The following CEP85L variants were observed in gnomAD, a reference collection of about 807,000 sequenced individuals.
The protein encoded by CEP85L is centrosomal protein of 85 kDa-like.
Under a neutral mutation model 100.3 loss-of-function variants are expected in CEP85L, and 60 were observed. The ratio of observed to expected loss-of-function variants is 0.60; its 90% CI spans 0.49 to 0.74. CEP85L has a LOEUF of 0.74. Ranked by LOEUF, CEP85L falls within the 30% of genes least tolerant of loss-of-function variation. The probability of loss-of-function intolerance (pLI) is 0.00; values close to 1 mark genes in which losing one functional copy is unlikely to be tolerated. For missense variants in CEP85L, 973 were observed against 936.2 expected, an observed-to-expected ratio of 1.04 and a Z score of -0.51; for synonymous variants, 319 against 322.7, an observed-to-expected ratio of 0.99 and a Z score of 0.12.
intron 5 of CEP85L, among the ~76,000 whole-genome samples, chr6:118,505,806 G>A (rs1775620272): frequency 6.6e-6 from 1 of 152,162 alleles, no homozygotes. Flanking sequence ...TACGATAATG[G>A]TGGATACATG....
intron 1 of CEP85L, among the ~76,000 whole-genome samples, chr6:118,688,204 T>C (rs1452333297): frequency 1.3e-5 from 2 of 152,204 alleles, no homozygotes; most frequent in East Asian, 1.9e-4. Context: ...TTTCACCATG[T>C]TGGCCAGGCT....
chr6:118,691,424 T>C (rs1562361718), intron 1 of CEP85L, among the ~76,000 whole-genome samples: 1 of 151,498 alleles, frequency 6.6e-6, no homozygotes, highest in Non-Finnish European at 1.5e-5. Flanking sequence ...TCCCAGCTAC[T>C]CAGGAGGCTG....
chr6:118,516,598 G>C (rs1014509979), intron 4 of CEP85L, among the ~76,000 whole-genome samples: 2 of 152,054 alleles, frequency 1.3e-5, no homozygotes, highest in Admixed American at 1.3e-4. Context: ...TGATGTGGTT[G>C]TTTTTTTCTT....
intron 12 of CEP85L, among the ~76,000 whole-genome samples, chr6:118,468,422 C>T (rs567686013): frequency 1.2e-4 from 19 of 152,310 alleles, no homozygotes; most frequent in African/African-American, 4.6e-4. Flanking sequence ...AGACTAACAT[C>T]CTGATTTGGA....
intron 2 of CEP85L, among the ~76,000 whole-genome samples, chr6:118,597,514 G>C (rs9481832): frequency 0.68 from 102,830 of 152,048 alleles, 35,469 homozygotes; most frequent in Middle Eastern, 0.74. Context: ...CAAGGAAAAA[G>C]TGAAAATCAT....
chr6:118,472,894 T>C (rs1302596245), intron 10 of CEP85L, among the ~76,000 whole-genome samples: 1 of 152,222 alleles, frequency 6.6e-6, no homozygotes, highest in Non-Finnish European at 1.5e-5. Context: ...ATGTTTGAAG[T>C]TGAACAGTGG....
intron 1 of CEP85L, among the ~76,000 whole-genome samples, chr6:118,665,957 G>T (rs1050727001): frequency 6.6e-6 from 1 of 152,028 alleles, no homozygotes; most frequent in Admixed American, 6.6e-5. Context: ...AATACTTGGC[G>T]CATCACCCCA....
chr6:118,678,477 T>C (rs1265816337), intron 1 of CEP85L, among the ~76,000 whole-genome samples: 2 of 152,172 alleles, frequency 1.3e-5, no homozygotes, highest in Non-Finnish European at 2.9e-5. Context: ...CGTATATTTG[T>C]CTACCTCTAC....
intron 1 of CEP85L, among the ~76,000 whole-genome samples, chr6:118,681,919 T>C (rs996468804): frequency 3.3e-5 from 5 of 152,092 alleles, no homozygotes; most frequent in Admixed American, 1.3e-4. Context: ...TTTTGTATTT[T>C]TAGTAGAGAC....
At chr6:118,683,292 A>G (rs1349717323) in intron 1 of CEP85L, among the ~76,000 whole-genome samples, 2 of 152,236 alleles carry the variant, frequency 1.3e-5, no homozygotes, top group Non-Finnish European at 2.9e-5. Context: ...GGAGACTTCC[A>G]AACCAATCTT....
In CEP85L at chr6:118,480,544, T is replaced by C. The variant is rs750538470; in HGVS notation, c.1746-31A>G. The C allele has an allele frequency of 1.1e-5, 15 of 1,361,456 alleles. No individual in the cohort carries two copies. The Admixed American group carries it at 1.2e-4, about 11-fold the overall frequency. The allele number at this position is 1,361,456 out of a possible 1,614,324, so 84.3% of individuals were successfully genotyped here. On this transcript the variant is annotated intron_variant, in intron 8 of 12. Transcript: ENST00000368491. ...TCAAAAGACAATTATATGAAGAAAA[T>C]AAGCTCTATTTGCTGATTTTGGTAA...
Position 118,463,245 on chromosome 6 carries a change from T to C in CEP85L, c.*2160A>G, listed in dbSNP as rs1772319241. 6.6e-6 allele frequency: 1 copy of C among 151,806 alleles called. No homozygotes were observed. Among genetic ancestry groups the C allele is most frequent in the Non-Finnish European group, 1.5e-5 (1 of 67,866 alleles). The allele number at this position is 151,806 out of a possible 1,614,324, so 9.4% of individuals were successfully genotyped here. A position where few individuals can be genotyped will look rare whatever the true frequency, so the allele number is the denominator to read the frequency against. On this transcript the variant is annotated 3_prime_UTR_variant, in exon 13 of 13. Transcript: ENST00000368491. ...GTAGATTAAAACAAACTGTAACGTC[T>C]GCTTAAAAAAAAAAAAATAAATAAA...
chr6:118,548,891 T>C (rs186844173), intron 3 of CEP85L, among the ~76,000 whole-genome samples: 4 of 152,148 alleles, frequency 2.6e-5, no homozygotes, highest in Admixed American at 2.6e-4. Flanking sequence ...ATTATCATAA[T>C]TTCATACAGT....
chr6:118,552,575 T>C (rs757417670), intron 3 of CEP85L, among the ~76,000 whole-genome samples: 1 of 151,956 alleles, frequency 6.6e-6, no homozygotes. Flanking sequence ...TATATGACAT[T>C]AGTCAAAAGA....
chr6:118,476,953 C>A (rs1022185038), intron 10 of CEP85L, among the ~76,000 whole-genome samples: 81 of 152,142 alleles, frequency 5.3e-4, no homozygotes, highest in African/African-American at 1.9e-3. Flanking sequence ...CTGAAAAAGG[C>A]TTACGGATTT....
At chr6:118,513,700 T>C (rs1776101272) in intron 4 of CEP85L, among the ~76,000 whole-genome samples, 1 of 152,056 alleles carries the variant, frequency 6.6e-6, no homozygotes, top group Non-Finnish European at 1.5e-5. Context: ...AAGATCTTTT[T>C]TGGAAACTTA....
intron 2 of CEP85L, among the ~76,000 whole-genome samples, chr6:118,595,646 C>T (rs919119761): frequency 1.3e-5 from 2 of 152,182 alleles, no homozygotes; most frequent in Non-Finnish European, 2.9e-5. Flanking sequence ...AAGTAACTAA[C>T]AGTGTCGTAC....
rs1429163375 is a variant in CEP85L, at chr6:118,465,465, T to C, written c.2358A>G (p.Leu786=). The C allele has an allele frequency of 1.9e-6, 3 of 1,613,628 alleles. No individual in the cohort carries two copies. The South Asian group carries it at 3.3e-5, about 18-fold the overall frequency. The part of the protein sequence containing the change: ...VCQLRRDIDE[L]RTTISDRYAQ... ...CATAGCGGTCTGATATTGTAGTCCT[T>C]AATTCATCAATGTCTCTTCGTAACT... The change falls in exon 13 of 13, where the codon TTA becomes TTG. Residue 786 remains leucine, a synonymous_variant. Coordinates refer to ENST00000368491, the MANE Select transcript of CEP85L (RefSeq NM_001042475.3).
At chr6:118,606,132 GC>G (rs1281554540) in intron 2 of CEP85L, among the ~76,000 whole-genome samples, 1 of 151,792 alleles carries the variant, frequency 6.6e-6, no homozygotes, top group Non-Finnish European at 1.5e-5. Flanking sequence ...AAAAATAAAG[GC>G]CTGTTAAATA....
Sources: gnomAD v4.1 joint callset for allele counts (sites outside exome capture counted in the v4.1 genomes callset) on GRCh38, gnomAD v4.1.1 for gene constraint, MANE v1.5 for transcripts, NCBI Gene and HGNC (gene_info 2026-07-23, HGNC 2026-07-21) for gene names.